Variants in TMEM44 observed in about 807,000 individuals in gnomAD.
The protein encoded by TMEM44 is transmembrane protein 44.
Under a neutral mutation model 47.8 loss-of-function variants are expected in TMEM44, and 43 were observed. The ratio of observed to expected loss-of-function variants is 0.90; its 90% CI spans 0.70 to 1.16. The LOEUF (loss-of-function observed/expected upper bound fraction) is 1.16. Among genes scored for constraint, TMEM44 ranks in the 50% most tolerant of loss-of-function variants. The pLI is 0.00. For missense variants in TMEM44, 568 were observed against 555.2 expected (o/e 1.02, Z -0.23); for synonymous variants, 277 against 238.8 (o/e 1.16, Z -1.48).
chr3:194,598,386 C>T lies in TMEM44; in HGVS notation c.1176+5901G>A, dbSNP rs532727434. ...AATGGATAATAAACATGCTCCTGCACACCTTCCCGGGTACCAGTCTCTGCC... is the reference window on the plus strand; with the variant it reads ...AATGGATAATAAACATGCTCCTGCATACCTTCCCGGGTACCAGTCTCTGCC... On this transcript the variant is annotated intron_variant, in intron 9 of 9. Coordinates refer to ENST00000347147, the MANE Select transcript of TMEM44 (RefSeq NM_001011655.3). Among the ~76,000 whole-genome samples the T allele has an allele frequency of 2.6e-5, 4 of 152,180 alleles. No homozygotes were observed. In the East Asian group the frequency reaches 5.8e-4, roughly 22 times the overall value.
intron 8 of TMEM44, among the ~76,000 whole-genome samples, chr3:194,609,706 C>T (rs1156469564): frequency 6.6e-6 from 1 of 152,020 alleles, no homozygotes; most frequent in African/African-American, 2.4e-5. Context: ...ACCCCTCCAG[C>T]GCTCCACTTC....
At chr3:194,623,829 C>A (rs561771096) in intron 3 of TMEM44, 134 bp from the exon 4 acceptor site, 85 of 1,153,496 alleles carry the variant, frequency 7.4e-5, no homozygotes, top group Non-Finnish European at 9.6e-5. Context: ...TGCAGGCCAG[C>A]TCCTCCCCAC....
At chr3:194,612,163 G>A (rs1195452797) in intron 7 of TMEM44, among the ~76,000 whole-genome samples, 2 of 152,104 alleles carry the variant, frequency 1.3e-5, no homozygotes, top group African/African-American at 2.4e-5. Flanking sequence ...CTGGTCTAGG[G>A]CCCACACTTT....
chr3:194,631,575 C>A (rs1372144547), intron 1 of TMEM44, among the ~76,000 whole-genome samples: 5 of 152,200 alleles, frequency 3.3e-5, no homozygotes, highest in African/African-American at 1.2e-4. Flanking sequence ...AAATTGGAGA[C>A]TCCCAGAGGC....
At chr3:194,588,751 C>T (rs1025464893) in intron 9 of TMEM44, 112 bp from the exon 10 acceptor site, 74 of 1,030,894 alleles carry the variant, frequency 7.2e-5, no homozygotes, top group Non-Finnish European at 9.1e-5. Context: ...GATCCAGGCA[C>T]AGACAAGGAC....
intron 9 of TMEM44, chr3:194,593,024 A>G: frequency 1.2e-6 from 2 of 1,613,806 alleles, no homozygotes; most frequent in East Asian, 2.2e-5. Flanking sequence ...GAAGAGAAAG[A>G]GCATGATCGT....
At chr3:194,631,680 G>A (rs761296179) in intron 1 of TMEM44, among the ~76,000 whole-genome samples, 3 of 152,172 alleles carry the variant, frequency 2.0e-5, no homozygotes, top group Non-Finnish European at 4.4e-5. Flanking sequence ...TGGTCTTCTG[G>A]CTTCACACGC....
At chr3:194,626,928 A>AT (rs34763580) in intron 2 of TMEM44, among the ~76,000 whole-genome samples, 111,232 of 139,454 alleles carry the variant, frequency 0.8, 43,828 homozygotes, top group East Asian at 0.97. Context: ...GACCTACTGT[A>AT]TTTTTTTTTT....
At chr3:194,596,564 G>C (rs547411765) in intron 9 of TMEM44, among the ~76,000 whole-genome samples, 1 of 152,302 alleles carries the variant, frequency 6.6e-6, no homozygotes, top group East Asian at 1.9e-4. Flanking sequence ...GGCTGAGGCG[G>C]GCAGATCACC....
intron 5 of TMEM44, chr3:194,623,019 T>C: frequency 2.1e-6 from 1 of 483,516 alleles, no homozygotes; most frequent in Non-Finnish European, 3.6e-6. Context: ...CCCGCCGTCC[T>C]CAGGACGCCC....
At chr3:194,595,377 T>C (rs1577152580) in intron 9 of TMEM44, among the ~76,000 whole-genome samples, 1 of 152,348 alleles carries the variant, frequency 6.6e-6, no homozygotes, top group African/African-American at 2.4e-5. Context: ...GTAGTAATGT[T>C]TCTTTAATTC....
At position 194,630,648 on chromosome 3, in the gene TMEM44, G is replaced by A. The variant is rs558576814; in HGVS notation, c.138-2139C>T. Among the ~76,000 whole-genome samples the A allele has an allele frequency of 5.6e-5, 6 of 106,522 alleles. No homozygotes were observed. The South Asian group carries it at 1.9e-3, about 34-fold the overall frequency. The allele number at this position is 106,522 out of a possible 152,430, so 69.9% of individuals were successfully genotyped here. ...AGGGCCCCTGAAATAGTATGCTGTC[G>A]TACCTGCCTCCAGAAGGGGCTGGCT... On this transcript the variant is annotated intron_variant, in intron 1 of 9. Coordinates refer to ENST00000347147, the MANE Select transcript of TMEM44 (RefSeq NM_001011655.3).
At chr3:194,618,136 AAG>A (rs1716142713) in intron 5 of TMEM44, among the ~76,000 whole-genome samples, 1 of 152,206 alleles carries the variant, frequency 6.6e-6, no homozygotes, top group Non-Finnish European at 1.5e-5. Context: ...ACCGGATCAG[AAG>A]AGCTGAGGCC....
At position 194,604,304 on chromosome 3, in the gene TMEM44, T is replaced by C; in HGVS notation, c.1159A>G (p.Ile387Val). ...CCGTGTACCTCCAGGTCGGAGTTGA[T>C]GGAGGAGACCTCAGAGGAGCTGCCG... ...SSGSSSEVSS[I>V]NSDLEWDPED... The change falls in exon 9 of 10, where the codon ATC becomes GTC. Residue 387 changes from isoleucine (I) to valine (V), a missense_variant. Coordinates refer to ENST00000347147, the MANE Select transcript of TMEM44 (RefSeq NM_001011655.3). 1 of 1,581,732 alleles carries C rather than the reference T, an allele frequency of 6.3e-7. No individual in the cohort carries two copies. Among genetic ancestry groups the C allele is most frequent in the Non-Finnish European group, 8.6e-7 (1 of 1,164,704 alleles).
chr3:194,602,414 C>T (rs1277549665), intron 9 of TMEM44, among the ~76,000 whole-genome samples: 2 of 152,102 alleles, frequency 1.3e-5, no homozygotes, highest in African/African-American at 4.8e-5. Context: ...CCAGCCTGGC[C>T]AACATGGTGA....
At chr3:194,608,681 A>C (rs887240072) in intron 8 of TMEM44, among the ~76,000 whole-genome samples, 1 of 152,150 alleles carries the variant, frequency 6.6e-6, no homozygotes, top group South Asian at 2.1e-4. Context: ...GGGCAGAGGA[A>C]TGGAGAGAAA....
chr3:194,621,644 C>T (rs556066468), intron 5 of TMEM44, among the ~76,000 whole-genome samples: 16 of 152,322 alleles, frequency 1.1e-4, no homozygotes, highest in African/African-American at 3.8e-4. Flanking sequence ...TCACCAACAA[C>T]CGCGAACAAC....
At chr3:194,604,683 C>T (rs907151115) in intron 8 of TMEM44, among the ~76,000 whole-genome samples, 2 of 152,176 alleles carry the variant, frequency 1.3e-5, no homozygotes, top group African/African-American at 2.4e-5. Context: ...ACACATATTT[C>T]CCCCGATTTC....
rs1717134146 is a variant in TMEM44, at chr3:194,625,985, GA to G, written c.269del (p.Phe90SerfsTer6). The G allele has an allele frequency of 6.2e-7, 1 of 1,612,506 alleles. No individual in the cohort carries two copies. The highest frequency in any genetic ancestry group is 8.5e-7 in the Non-Finnish European group (1 of 1,178,756). ...LLARQLTIQV[F>X]TGAYLAAIDL... Reference sequence around the variant, plus strand: ...CAATAGCTGCTAGGTAGGCACCAGTGAAAACCTGGGAGCAAACGGGAAGAGA... The same window carrying G: ...CAATAGCTGCTAGGTAGGCACCAGTGAAACCTGGGAGCAAACGGGAAGAGA... On this transcript the variant is annotated frameshift_variant, in exon 3 of 10. Coordinates refer to ENST00000347147, the MANE Select transcript of TMEM44 (RefSeq NM_001011655.3). LOFTEE classifies it high-confidence loss of function.
Sources: allele counts gnomAD v4.1 joint callset (sites outside exome capture counted in the v4.1 genomes callset), GRCh38; gene constraint gnomAD v4.1.1; transcripts MANE v1.5; gene names NCBI Gene and HGNC (gene_info 2026-07-23, HGNC 2026-07-21).